ANKRD31: variants seen among roughly 807,000 people sequenced by gnomAD.
The protein encoded by ANKRD31 is ankyrin repeat domain 31.
Under a neutral mutation model 186.0 loss-of-function variants are expected in ANKRD31, and 147 were observed. The ratio of observed to expected loss-of-function variants is 0.79; its 90% CI spans 0.69 to 0.91. The LOEUF is 0.91. Ranked by LOEUF, ANKRD31 falls within the 40% of genes least tolerant of loss-of-function variation. The pLI, the probability that ANKRD31 is intolerant of heterozygous loss-of-function variation, is 0.00. For missense variants in ANKRD31, 1,986 were observed against 2,148.8 expected, an observed-to-expected ratio of 0.92 and a Z score of 1.50; for synonymous variants, 673 against 736.4, an observed-to-expected ratio of 0.91 and a Z score of 1.39.
chr5:75,179,204 T>C (rs1754073399), intron 10 of ANKRD31, among the ~76,000 whole-genome samples: 2 of 152,146 alleles, frequency 1.3e-5, no homozygotes, highest in South Asian at 4.1e-4. Flanking sequence ...AATCTCTGAA[T>C]AGACCAATAA....
At chr5:75,182,675 C>T (rs568495126) in intron 10 of ANKRD31, among the ~76,000 whole-genome samples, 32 of 150,644 alleles carry the variant, frequency 2.1e-4, no homozygotes, top group Non-Finnish European at 1.0e-4. Flanking sequence ...GCCGAGATAG[C>T]GCCATTGCAC....
chr5:75,180,951 C>G (rs1172244038), intron 10 of ANKRD31, among the ~76,000 whole-genome samples: 2 of 151,168 alleles, frequency 1.3e-5, no homozygotes, highest in Non-Finnish European at 2.9e-5. Flanking sequence ...AGGCAACCTA[C>G]AAAATGGGAG....
chr5:75,103,743 G>C (rs117746111), intron 22 of ANKRD31, among the ~76,000 whole-genome samples: 5 of 152,186 alleles, frequency 3.3e-5, no homozygotes, highest in South Asian at 2.1e-4. Context: ...GCAAACTAAC[G>C]CAAGAACATA....
chr5:75,077,123 C>A (rs1744707470), intron 25 of ANKRD31, among the ~76,000 whole-genome samples: 1 of 152,142 alleles, frequency 6.6e-6, no homozygotes, highest in African/African-American at 2.4e-5. Flanking sequence ...GGCTGAAATG[C>A]AATGGCGTGA....
chr5:75,083,601 G>T (rs1161559285), intron 24 of ANKRD31, among the ~76,000 whole-genome samples: 2 of 151,966 alleles, frequency 1.3e-5, no homozygotes, highest in Non-Finnish European at 2.9e-5. Flanking sequence ...CTGGTAGTGT[G>T]CACCTGTAAT....
chr5:75,162,442 A>C (rs1752632684), intron 11 of ANKRD31, among the ~76,000 whole-genome samples: 3 of 152,122 alleles, frequency 2.0e-5, no homozygotes, highest in Admixed American at 6.6e-5. Flanking sequence ...CAAGGTAACT[A>C]ACTTGCTTTT....
At chr5:75,175,380 T>TA (rs1261785291) in intron 10 of ANKRD31, among the ~76,000 whole-genome samples, 1 of 151,908 alleles carries the variant, frequency 6.6e-6, no homozygotes, top group Non-Finnish European at 1.5e-5. Flanking sequence ...TCAAGTATAT[T>TA]AAAAAAAGAA....
At chr5:75,205,258 C>A (rs1196145266) in intron 5 of ANKRD31, among the ~76,000 whole-genome samples, 1 of 152,200 alleles carries the variant, frequency 6.6e-6, no homozygotes, top group Non-Finnish European at 1.5e-5. Flanking sequence ...ATTATGAACT[C>A]ATGGTCTTTT....
chr5:75,077,819 G>A (rs529679360), intron 25 of ANKRD31, among the ~76,000 whole-genome samples: 1 of 151,962 alleles, frequency 6.6e-6, no homozygotes, highest in South Asian at 2.1e-4. Flanking sequence ...CAGCTACTCG[G>A]GAGGCTGAGG....
intron 22 of ANKRD31, among the ~76,000 whole-genome samples, chr5:75,094,944 A>G (rs2150037488): frequency 6.6e-6 from 1 of 152,272 alleles, no homozygotes; most frequent in South Asian, 2.1e-4. Flanking sequence ...ATGATGGGGG[A>G]CATTTTATAA....
intron 10 of ANKRD31, among the ~76,000 whole-genome samples, chr5:75,183,076 C>A (rs1279630967): frequency 6.6e-6 from 1 of 152,204 alleles, no homozygotes; most frequent in Non-Finnish European, 1.5e-5. Flanking sequence ...AATTGGGATT[C>A]ATCCCAGGGA....
At chr5:75,191,534 A>G (rs549693444) in intron 9 of ANKRD31, among the ~76,000 whole-genome samples, 2 of 152,174 alleles carry the variant, frequency 1.3e-5, no homozygotes, top group Non-Finnish European at 2.9e-5. Context: ...AAATTTTCTC[A>G]TAGCTACTCT....
chr5:75,176,895 C>T (rs1264396846), intron 10 of ANKRD31, among the ~76,000 whole-genome samples: 4 of 152,058 alleles, frequency 2.6e-5, no homozygotes, highest in East Asian at 1.9e-4. Flanking sequence ...ATGACTTTGA[C>T]GAGTTGAGAG....
intron 17 of ANKRD31, among the ~76,000 whole-genome samples, chr5:75,131,462 A>G (rs1047371317): frequency 2.0e-5 from 3 of 152,102 alleles, no homozygotes; most frequent in African/African-American, 7.2e-5. Context: ...AGGCTGGGGG[A>G]GGGGCGTCCA....
At chr5:75,099,337 A>C (rs1481683723) in intron 22 of ANKRD31, among the ~76,000 whole-genome samples, 2 of 152,144 alleles carry the variant, frequency 1.3e-5, no homozygotes, top group African/African-American at 4.8e-5. Flanking sequence ...GTTTGCCAGT[A>C]TTTTATTGAG....
chr5:75,174,210 C>T (rs897544687), intron 10 of ANKRD31, among the ~76,000 whole-genome samples: 10 of 152,126 alleles, frequency 6.6e-5, no homozygotes, highest in Non-Finnish European at 1.0e-4. Context: ...CTTCCTTACA[C>T]CTTATACAAA....
intron 22 of ANKRD31, among the ~76,000 whole-genome samples, chr5:75,102,436 A>G (rs187687835): frequency 2.0e-4 from 31 of 152,362 alleles, no homozygotes; most frequent in African/African-American, 7.5e-4. Context: ...CCATGCTGGA[A>G]GAACCACTAC....
chr5:75,069,198 G>T (rs1744011361), intron 25 of ANKRD31, among the ~76,000 whole-genome samples: 2 of 152,148 alleles, frequency 1.3e-5, no homozygotes, highest in South Asian at 4.2e-4. Flanking sequence ...GATAAAGAGG[G>T]TTCCTTTTGG....
At chr5:75,227,398 T>C (rs533695723) in intron 2 of ANKRD31, among the ~76,000 whole-genome samples, 55 of 152,154 alleles carry the variant, frequency 3.6e-4, no homozygotes, top group Non-Finnish European at 7.1e-4. Context: ...ATTAATTAAT[T>C]GTACATTGTA....
Sources: gnomAD v4.1 joint callset for allele counts (sites outside exome capture counted in the v4.1 genomes callset) on GRCh38, gnomAD v4.1.1 for gene constraint, MANE v1.5 for transcripts, NCBI Gene and HGNC (gene_info 2026-07-23, HGNC 2026-07-21) for gene names.